Variants in MYLK4 observed in about 807,000 individuals in gnomAD.
MYLK4 encodes myosin light chain kinase family member 4.
MYLK4 carries 46 observed loss-of-function variants against 48.1 expected under a neutral mutation model. That is an observed-to-expected ratio of 0.96 (90% confidence interval 0.75 to 1.22). The LOEUF (loss-of-function observed/expected upper bound fraction) is 1.22. Ranked by LOEUF, MYLK4 falls within the 50% of genes most tolerant of loss-of-function variation. The probability of loss-of-function intolerance (pLI) is 0.00; values close to 1 mark genes in which losing one functional copy is unlikely to be tolerated. For synonymous variants in MYLK4, 170 were observed against 180.8 expected (o/e 0.94, Z 0.48); for missense variants, 451 against 486.1 (o/e 0.93, Z 0.68).
intron 2 of MYLK4, among the ~76,000 whole-genome samples, chr6:2,705,363 G>GTTCTTCTCAAGT (rs763509432): frequency 3.3e-5 from 5 of 152,132 alleles, no homozygotes; most frequent in Non-Finnish European, 7.4e-5. Flanking sequence ...TAGTCTCAAG[G>GTTCTTCTCAAGT]TTCTTCTCAA....
At chr6:2,671,370 T>C in intron 11 of MYLK4, 22 bp from the exon 12 acceptor site, 7 of 1,612,490 alleles carry the variant, frequency 4.3e-6, no homozygotes, top group Non-Finnish European at 5.9e-6. Context: ...AGAAGGCATA[T>C]GGGAAGGATT....
intron 11 of MYLK4, 34 bp from the exon 12 acceptor site, chr6:2,671,382 G>A (rs557708949): frequency 4.3e-5 from 69 of 1,600,382 alleles, no homozygotes; most frequent in Non-Finnish European, 5.4e-5. Flanking sequence ...GGAAGGATTA[G>A]GACTGTTTCC....
intron 2 of MYLK4, among the ~76,000 whole-genome samples, chr6:2,710,833 G>A (rs1003166187): frequency 6.6e-6 from 1 of 152,208 alleles, no homozygotes; most frequent in African/African-American, 2.4e-5. Context: ...GCCTGAACAG[G>A]ATGAAGGGCT....
At chr6:2,680,374 C>T (rs190504054) in intron 7 of MYLK4, 83 bp from the exon 8 acceptor site, 500 of 1,597,230 alleles carry the variant, frequency 3.1e-4, no homozygotes, top group South Asian at 4.9e-4. Flanking sequence ...AAAAATACAA[C>T]GATGCTCAGA....
At position 2,675,063 on chromosome 6, in the gene MYLK4, G is replaced by T; in HGVS notation, c.1103C>A (p.Ser368Tyr). 6.2e-7 allele frequency: 1 copy of T among 1,613,958 alleles called. No individual in the cohort carries two copies. Among genetic ancestry groups the T allele is most frequent in the South Asian group, 1.1e-5 (1 of 91,058 alleles). Residue 368 changes from serine to tyrosine, a missense_variant, in exon 11 of 13, where the codon TCC becomes TAC. Coordinates refer to ENST00000274643, the MANE Select transcript of MYLK4 (RefSeq NM_001012418.5). ...HPWLSDHKLHSRLNAQKKKNR... is the reference protein window; with the variant it reads ...HPWLSDHKLHYRLNAQKKKNR... Reference sequence around the variant, plus strand: ...CGTGGTCACCTGGGCATTGAGTCTGGAGTGGAGCTTGTGGTCTGACAACCA... The same window carrying T: ...CGTGGTCACCTGGGCATTGAGTCTGTAGTGGAGCTTGTGGTCTGACAACCA...
At position 2,685,355 on chromosome 6, in the gene MYLK4, G is replaced by T. The variant is rs779382759; in HGVS notation, c.486C>A (p.Asn162Lys). Reference sequence around the variant, plus strand: ...CGAAGGCATCGTACAGCTGGATGAGGTTCGCGTGGTCCAGCTGGTTCATGA... The same window carrying T: ...CGAAGGCATCGTACAGCTGGATGAGTTTCGCGTGGTCCAGCTGGTTCATGA... ...ISVMNQLDHA[N>K]LIQLYDAFES... The change falls in exon 6 of 13, where the codon AAC becomes AAA. Residue 162 changes from asparagine (N) to lysine (K), a missense_variant. Transcript: ENST00000274643. This position sits in a 1 kb window ranked among gnomAD's most constrained non-coding sequence, Gnocchi z 4.5. 2 of 1,613,534 alleles carry T rather than the reference G, an allele frequency of 1.2e-6. No homozygotes were observed. The highest frequency in any genetic ancestry group is 2.2e-5 in the East Asian group (1 of 44,846).
chr6:2,757,339 T>C, the MYLK4 span, among the ~76,000 whole-genome samples: 2 of 152,162 alleles, frequency 1.3e-5, no homozygotes, highest in South Asian at 4.1e-4. Flanking sequence ...ATGGAAAACA[T>C]CTTCAGTGTG....
chr6:2,689,411 G>C (rs1761688034), intron 3 of MYLK4, among the ~76,000 whole-genome samples: 1 of 152,138 alleles, frequency 6.6e-6, no homozygotes, highest in Non-Finnish European at 1.5e-5. Context: ...TTGTTGAAAT[G>C]CTTGATATTA....
In MYLK4 at chr6:2,749,351, T is replaced by G. The variant is rs971954477; in HGVS notation, c.-57A>C. On this transcript the variant is annotated 5_prime_UTR_variant, in exon 2 of 13. Transcript: ENST00000274643. ...GGAGTGTGGTTTTCGTCTCCCTCTG[T>G]CTCCGATTTATAAATCAGGACACAA... The G allele has an allele frequency of 7.1e-7, 1 of 1,407,570 alleles. No individual in the cohort carries two copies. The highest frequency in any genetic ancestry group is 9.9e-7 in the Non-Finnish European group (1 of 1,013,866). The allele number at this position is 1,407,570 out of a possible 1,614,324, so 87.2% of individuals were successfully genotyped here.
rs1280125923 is a variant in MYLK4 at position 2,683,062 on chromosome 6, T to C, written c.646A>G (p.Arg216Gly). ...AGAATGTACATCTGATGCATGTGCCTTATCCCCTCACATATCTGCTTCATG... is the reference window on the plus strand; with the variant it reads ...AGAATGTACATCTGATGCATGTGCCCTATCCCCTCACATATCTGCTTCATG... ...LFMKQICEGI[R>G]HMHQMYILHL... The change falls in exon 7 of 13, where the codon AGG (arginine) becomes GGG (glycine). Residue 216 changes from arginine (R) to glycine (G), a missense_variant. Coordinates refer to ENST00000274643, the MANE Select transcript of MYLK4 (RefSeq NM_001012418.5). The C allele has an allele frequency of 5.6e-6, 9 of 1,614,052 alleles. No individual in the cohort carries two copies. Among genetic ancestry groups the C allele is most frequent in the African/African-American group, 1.3e-5 (1 of 74,904 alleles).
At chr6:2,723,621 A>T (rs1489078729) in intron 2 of MYLK4, among the ~76,000 whole-genome samples, 1 of 152,194 alleles carries the variant, frequency 6.6e-6, no homozygotes, top group Non-Finnish European at 1.5e-5. Flanking sequence ...TCATGGCCCC[A>T]TCAGAGCACC....
chr6:2,669,360 C>A (rs775787405), intron 12 of MYLK4, among the ~76,000 whole-genome samples: 10 of 152,244 alleles, frequency 6.6e-5, no homozygotes, highest in Non-Finnish European at 1.5e-4. Context: ...TCTTCCATCA[C>A]ATTGGGTTCG....
intron 2 of MYLK4, among the ~76,000 whole-genome samples, chr6:2,743,179 G>A (rs1475779086): frequency 6.6e-6 from 1 of 152,040 alleles, no homozygotes; most frequent in Non-Finnish European, 1.5e-5. Flanking sequence ...ACAAGGCTGA[G>A]AAACACCGCC....
In MYLK4 at chr6:2,685,299, T is replaced by C; in HGVS notation, c.542A>G (p.Glu181Gly). The C allele has an allele frequency of 6.2e-7, 1 of 1,611,336 alleles. No homozygotes were observed. Residue 181 changes from glutamate (E) to glycine (G), a missense_variant, in exon 6 of 13, where the codon GAG becomes GGG. By Grantham distance (98) the Glu-to-Gly change is moderately conservative (BLOSUM62 -2). Coordinates refer to ENST00000274643, the MANE Select transcript of MYLK4 (RefSeq NM_001012418.5). The surrounding 1 kb of genome is among the most constrained non-coding windows in gnomAD (Gnocchi z 4.5). ...ESKNDIVLVM[E>G]YVDGGELFDR... ...AGGGGGCGGAGGGGATACGTACTACTCCATGACCAGGACAATGTCGTTCTT... is the reference window on the plus strand; with the variant it reads ...AGGGGGCGGAGGGGATACGTACTACCCCATGACCAGGACAATGTCGTTCTT...
At chr6:2,746,285 A>G (rs1237764798) in intron 2 of MYLK4, among the ~76,000 whole-genome samples, 3 of 151,942 alleles carry the variant, frequency 2.0e-5, no homozygotes, top group Non-Finnish European at 2.9e-5. Context: ...AAAAAAAGAA[A>G]AAAAGAAAGA....
chr6:2,729,425 G>A (rs566807419), intron 2 of MYLK4, among the ~76,000 whole-genome samples: 2 of 152,168 alleles, frequency 1.3e-5, no homozygotes, highest in African/African-American at 4.8e-5. Context: ...AAAGGAGCTC[G>A]CACCTCTCCA....
At chr6:2,706,175 GAC>G (rs1762479620) in intron 2 of MYLK4, among the ~76,000 whole-genome samples, 1 of 151,120 alleles carries the variant, frequency 6.6e-6, no homozygotes, top group African/African-American at 2.4e-5. Context: ...ATTTTTCAAA[GAC>G]ACACAGCTCT....
At chr6:2,711,342 C>T (rs1017858073) in intron 2 of MYLK4, among the ~76,000 whole-genome samples, 2 of 152,168 alleles carry the variant, frequency 1.3e-5, no homozygotes, top group African/African-American at 4.8e-5. Context: ...AGTAAGATGA[C>T]TTTAGCATGA....
the MYLK4 span, among the ~76,000 whole-genome samples, chr6:2,761,369 A>G: frequency 6.6e-6 from 1 of 152,180 alleles, no homozygotes; most frequent in African/African-American, 2.4e-5. Flanking sequence ...ATTTATTTGT[A>G]TTTATGCTGA....
Sources: gnomAD v4.1 joint callset for allele counts (sites outside exome capture counted in the v4.1 genomes callset) on GRCh38, gnomAD v4.1.1 for gene constraint, Gnocchi (gnomAD v3.1) non-coding constraint, MANE v1.5 for transcripts, NCBI Gene and HGNC (gene_info 2026-07-23, HGNC 2026-07-21) for gene names.